Variants in GGACT observed in about 807,000 individuals in gnomAD.
GGACT encodes the protein gamma-glutamylaminecyclotransferase.
For synonymous variants in GGACT, 118 were observed against 115.3 expected, an observed-to-expected ratio of 1.02 and a Z score of -0.15; for missense variants, 241 against 233.2, an observed-to-expected ratio of 1.03 and a Z score of -0.22.
At position 100,532,489 on chromosome 13, in the gene GGACT, G is replaced by A. The variant is rs754683252; in HGVS notation, c.103C>T (p.Arg35Cys). 7 of 1,548,924 alleles carry A rather than the reference G, an allele frequency of 4.5e-6. No individual in the cohort carries two copies. Among genetic ancestry groups the A allele is most frequent in the Middle Eastern group, 3.3e-4 (2 of 5,986 alleles). Residue 35 changes from arginine (R) to cysteine (C), a missense_variant, in exon 3 of 3, where the codon CGC becomes TGC. Physicochemically the swap from Arg to Cys is radical, Grantham distance 180 (BLOSUM62 -3). Transcript: ENST00000683975. ...HGSAAFRARGRTLEPYPLVIA... is the reference protein window; with the variant it reads ...HGSAAFRARGCTLEPYPLVIA... ...ACCAACGGGTAGGGCTCCAGCGTGC[G>A]GCCGCGCGCCCGAAAGGCTGCGGAG... is the stretch of plus-strand genomic sequence containing the variant.
chr13:100,565,008 G>C (rs1044605726), intron 2 of GGACT, among the ~76,000 whole-genome samples: 32 of 152,218 alleles, frequency 2.1e-4, no homozygotes, highest in African/African-American at 7.7e-4. Context: ...GCACAATGAT[G>C]CAAGGAAAAG....
At position 100,532,316 on chromosome 13, in the gene GGACT, C is replaced by T; in HGVS notation, c.276G>A (p.Val92=). The T allele has an allele frequency of 1.3e-6, 2 of 1,549,034 alleles. No individual in the cohort carries two copies. The highest frequency in any genetic ancestry group is 1.2e-5 in the South Asian group (1 of 83,972). The change falls in exon 3 of 3, where the codon GTG becomes GTA. Residue 92 remains valine (V), a synonymous_variant. Coordinates refer to ENST00000683975, the MANE Select transcript of GGACT (RefSeq NM_001195087.2). ...GGTCCTCCAGCAGCTGTACCCGCAG[C>T]ACCGTGCGCTGGTACAGGGCCGGGC... The part of the protein sequence containing the change: ...ESCPALYQRT[V]LRVQLLEDRA...
intron 2 of GGACT, chr13:100,539,627 G>T: frequency 6.4e-6 from 3 of 469,120 alleles, no homozygotes; most frequent in South Asian, 3.7e-5. Flanking sequence ...TAGGATTTTG[G>T]CATCGATCTT....
At position 100,532,222 on chromosome 13, in the gene GGACT, A is replaced by AGGT. The variant is rs1424214678; in HGVS notation, c.367_369dup (p.Thr123dup). On this transcript the variant is annotated inframe_insertion, in exon 3 of 3. Transcript: ENST00000683975. ...GGGAGCTGGGCCCACTCCGGCGGGAAGGTGGCCCTGCTGTACACGAAGCAC... is the reference window on the plus strand; with the variant it reads ...GGGAGCTGGGCCCACTCCGGCGGGAAGGTGGTGGCCCTGCTGTACACGAAGCAC... 5 of 1,485,918 alleles carry AGGT rather than the reference A, an allele frequency of 3.4e-6. No individual in the cohort carries two copies. In the African/African-American group the frequency reaches 4.2e-5, roughly 12 times the overall value. The allele number at this position is 1,485,918 out of a possible 1,614,324, so 92.0% of individuals were successfully genotyped here.
At chr13:100,584,877 C>T (rs1457853197) in intron 1 of GGACT, among the ~76,000 whole-genome samples, 1 of 152,168 alleles carries the variant, frequency 6.6e-6, no homozygotes, top group Non-Finnish European at 1.5e-5. Flanking sequence ...AATGTCTTCT[C>T]AGCCATCAGG....
intron 2 of GGACT, chr13:100,538,968 C>A (rs1471151595): frequency 2.0e-5 from 3 of 152,074 alleles, no homozygotes; most frequent in Non-Finnish European, 4.4e-5. Context: ...GTATTTTATT[C>A]TTTTTGATGC....
chr13:100,569,827 C>A (rs1477470780), intron 2 of GGACT, among the ~76,000 whole-genome samples: 1 of 152,212 alleles, frequency 6.6e-6, no homozygotes, highest in Non-Finnish European at 1.5e-5. Flanking sequence ...CCCTAAATCA[C>A]CTCTCTCAAG....
chr13:100,543,071 A>G (rs1230747770), intron 2 of GGACT, among the ~76,000 whole-genome samples: 4 of 152,182 alleles, frequency 2.6e-5, no homozygotes, highest in Non-Finnish European at 4.4e-5. Flanking sequence ...ACAAATCACA[A>G]CCACTTCATA....
intron 2 of GGACT, among the ~76,000 whole-genome samples, chr13:100,546,011 G>C (rs2088600182): frequency 6.6e-6 from 1 of 152,214 alleles, no homozygotes; most frequent in Admixed American, 6.5e-5. Flanking sequence ...AGACAGTGTT[G>C]ATAGAATATG....
chr13:100,559,641 T>G (rs2088741499), intron 2 of GGACT, among the ~76,000 whole-genome samples: 1 of 151,952 alleles, frequency 6.6e-6, no homozygotes, highest in Non-Finnish European at 1.5e-5. Flanking sequence ...ATTACAGGTG[T>G]GTGCCACCAC....
intron 2 of GGACT, among the ~76,000 whole-genome samples, chr13:100,582,566 G>A (rs1008041589): frequency 1.8e-4 from 27 of 152,162 alleles, no homozygotes; most frequent in Non-Finnish European, 5.9e-5. Context: ...TGGAAAACCT[G>A]CCCTGGATCA....
intron 2 of GGACT, among the ~76,000 whole-genome samples, chr13:100,564,111 G>A (rs542433703): frequency 2.0e-5 from 3 of 152,338 alleles, no homozygotes; most frequent in Non-Finnish European, 2.9e-5. Context: ...TAGGTCCCTC[G>A]CAAGAGAGTT....
intron 2 of GGACT, among the ~76,000 whole-genome samples, chr13:100,560,315 G>A (rs2088748190): frequency 6.6e-6 from 1 of 152,230 alleles, no homozygotes; most frequent in African/African-American, 2.4e-5. Flanking sequence ...CTCAACAGCA[G>A]CATCTGAACA....
chr13:100,576,638 G>A (rs866877319), intron 2 of GGACT, among the ~76,000 whole-genome samples: 2 of 152,180 alleles, frequency 1.3e-5, no homozygotes, highest in South Asian at 2.1e-4. Flanking sequence ...CAAAGTTGTC[G>A]TCGAAGTGAA....
chr13:100,546,009 T>TTC (rs1348791024), intron 2 of GGACT, among the ~76,000 whole-genome samples: 1 of 152,138 alleles, frequency 6.6e-6, no homozygotes, highest in Non-Finnish European at 1.5e-5. Context: ...GCAGACAGTG[T>TTC]TGATAGAATA....
chr13:100,537,920 G>A (rs1223215568), intron 2 of GGACT: 1 of 152,272 alleles, frequency 6.6e-6, no homozygotes, highest in Non-Finnish European at 1.5e-5. Context: ...ATCCAAGAGT[G>A]GACAAGCAGG....
chr13:100,548,571 C>T (rs867997452), intron 2 of GGACT, among the ~76,000 whole-genome samples: 6 of 152,212 alleles, frequency 3.9e-5, no homozygotes, highest in Non-Finnish European at 7.3e-5. Context: ...TGGGCCAGCG[C>T]GCCCTGTATT....
At chr13:100,583,389 G>T (rs754431122) in intron 2 of GGACT, among the ~76,000 whole-genome samples, 7 of 152,274 alleles carry the variant, frequency 4.6e-5, no homozygotes, top group Middle Eastern at 6.8e-3. Context: ...GGTGGAAATA[G>T]TTATAGTACG....
In GGACT at chr13:100,532,338, G is replaced by T; in HGVS notation, c.254C>A (p.Pro85Gln). Residue 85 changes from proline (P) to glutamine (Q), a missense_variant, in exon 3 of 3, where the codon CCG becomes CAG. By Grantham distance (76) the Pro-to-Gln change is moderately conservative (BLOSUM62 -1). Transcript: ENST00000683975. ...LRFLDDFESC[P>Q]ALYQRTVLRV... The stretch of plus-strand genomic sequence containing the variant: ...CAGCACCGTGCGCTGGTACAGGGCC[G>T]GGCAACTCTCGAAGTCATCCAGAAA... 6.4e-7 allele frequency: 1 copy of T among 1,550,496 alleles called. No individual in the cohort carries two copies. The highest frequency in any genetic ancestry group is 8.7e-7 in the Non-Finnish European group (1 of 1,146,546).
Sources: gnomAD v4.1 joint callset for allele counts (sites outside exome capture counted in the v4.1 genomes callset) on GRCh38, gnomAD v4.1.1 for gene constraint, MANE v1.5 for transcripts, NCBI Gene and HGNC (gene_info 2026-07-23, HGNC 2026-07-21) for gene names.